The following TMEM266 variants were observed in gnomAD, a reference collection of about 807,000 sequenced individuals.
The protein encoded by TMEM266 is Hv1 related protein 1.
A neutral mutation model predicts 50.5 loss-of-function variants in TMEM266; 33 were observed. The observed-to-expected ratio is 0.65, with a 90% confidence interval of 0.50 to 0.87. The LOEUF (loss-of-function observed/expected upper bound fraction) is 0.87. TMEM266 is among the 40% of genes least tolerant of loss of function. TMEM266 has a pLI of 0.00. For synonymous variants in TMEM266, 310 were observed against 292.3 expected, an observed-to-expected ratio of 1.06 and a Z score of -0.62; for missense variants, 655 against 695.1, an observed-to-expected ratio of 0.94 and a Z score of 0.65.
intron 5 of TMEM266, among the ~76,000 whole-genome samples, chr15:76,166,596 C>G (rs1286953172): frequency 6.6e-6 from 1 of 152,240 alleles, no homozygotes; most frequent in African/African-American, 2.4e-5. Context: ...GGTGCGCTGT[C>G]TGCTGCCTCC....
At chr15:76,188,767 G>C (rs1002556169) in intron 8 of TMEM266, among the ~76,000 whole-genome samples, 1 of 152,142 alleles carries the variant, frequency 6.6e-6, no homozygotes, top group African/African-American at 2.4e-5. Flanking sequence ...ATGAGATTTG[G>C]GTGGGGACAC....
chr15:76,165,457 A>T (rs2038080474), intron 5 of TMEM266, among the ~76,000 whole-genome samples: 1 of 152,224 alleles, frequency 6.6e-6, no homozygotes, highest in South Asian at 2.1e-4. Flanking sequence ...TGCTTATCAG[A>T]GCAGCCTCCT....
At chr15:76,129,044 A>T (rs1055081652) in intron 1 of TMEM266, among the ~76,000 whole-genome samples, 2 of 150,588 alleles carry the variant, frequency 1.3e-5, no homozygotes, top group Admixed American at 1.3e-4. Context: ...TATATAAACC[A>T]TACCTTAGGC....
rs558703921 is a variant in TMEM266 at position 76,081,546 on chromosome 15, C to T, written c.-97+21530C>T. Among the ~76,000 whole-genome samples the T allele has an allele frequency of 1.6e-4, 25 of 152,352 alleles. No homozygotes were observed. The South Asian group carries it at 5.0e-3, about 30-fold the overall frequency. On this transcript the variant is annotated intron_variant, in intron 1 of 10. Transcript: ENST00000388942. ...ATAAGAAGGGAACCAAATGAATAGG[C>T]TTCCAAGTTGCCCTGGCTCCTCGCG...
rs1245617079 is a variant in TMEM266, at chr15:76,168,349, AAG to A, written c.457-1464_457-1463del. Among the ~76,000 whole-genome samples the A allele has an allele frequency of 6.6e-6, 1 of 152,246 alleles. No individual in the cohort carries two copies. Among genetic ancestry groups the A allele is most frequent in the Admixed American group, 6.5e-5 (1 of 15,280 alleles). The stretch of plus-strand genomic sequence containing the variant: ...GAAATCAAGATTGTCCTTCACGAGA[AAG>A]AGCTGGATTTTACCAGCCAAGCCTT... On this transcript the variant is annotated intron_variant, in intron 5 of 10. Transcript: ENST00000388942. The surrounding 1 kb of genome is among the most constrained non-coding windows in gnomAD (Gnocchi z 4.4).
At chr15:76,076,225 A>G (rs2036607063) in intron 1 of TMEM266, among the ~76,000 whole-genome samples, 1 of 151,958 alleles carries the variant, frequency 6.6e-6, no homozygotes, top group Non-Finnish European at 1.5e-5. Flanking sequence ...CTTGATAGCA[A>G]GTCACCTCTC....
intron 3 of TMEM266, among the ~76,000 whole-genome samples, chr15:76,147,369 C>G (rs1217671732): frequency 1.3e-5 from 2 of 152,234 alleles, no homozygotes; most frequent in African/African-American, 4.8e-5. Flanking sequence ...TGATCCCTGC[C>G]ATGGCCATGC....
intron 3 of TMEM266, among the ~76,000 whole-genome samples, chr15:76,145,412 C>T (rs565989973): frequency 6.6e-6 from 1 of 152,350 alleles, no homozygotes; most frequent in East Asian, 1.9e-4. Context: ...CCACATCCTT[C>T]CTCTTTCATG....
intron 1 of TMEM266, among the ~76,000 whole-genome samples, chr15:76,121,824 C>A (rs2037351449): frequency 6.6e-6 from 1 of 152,200 alleles, no homozygotes; most frequent in Admixed American, 6.5e-5. Context: ...TCACAAAACA[C>A]TCCTTGATAG....
chr15:76,186,825 G>A (rs540426441), intron 8 of TMEM266, among the ~76,000 whole-genome samples: 3 of 152,266 alleles, frequency 2.0e-5, no homozygotes, highest in Non-Finnish European at 2.9e-5. Flanking sequence ...CTTCTGTTTG[G>A]AGGATTCCAG....
chr15:76,075,025 A>G (rs1168783836), intron 1 of TMEM266, among the ~76,000 whole-genome samples: 2 of 152,106 alleles, frequency 1.3e-5, no homozygotes, highest in South Asian at 4.1e-4. Flanking sequence ...GAGGAGGAGC[A>G]GATTTTAAGT....
rs2038002755 is a variant in TMEM266 at position 76,160,562 on chromosome 15, T to C, written c.456+394T>C. 6.6e-6 allele frequency among the ~76,000 whole-genome samples: 1 copy of C among 152,178 alleles called. No individual in the cohort carries two copies. The highest frequency in any genetic ancestry group is 1.9e-4 in the East Asian group (1 of 5,192). ...CCACACAGGGAAGCTCTTGGGCCGC[T>C]GTGGCTGTGGTCTTGGGCCCACAGT... is the stretch of plus-strand genomic sequence containing the variant. On this transcript the variant is annotated intron_variant, in intron 5 of 10. Coordinates refer to ENST00000388942, the MANE Select transcript of TMEM266 (RefSeq NM_152335.3). This position sits in a 1 kb window ranked among gnomAD's most constrained non-coding sequence, Gnocchi z 5.7.
chr15:76,142,992 G>A (rs1052628704), intron 3 of TMEM266, among the ~76,000 whole-genome samples: 1 of 152,172 alleles, frequency 6.6e-6, no homozygotes, highest in South Asian at 2.1e-4. Flanking sequence ...GCTTGTGTCT[G>A]CCTCAAGTCT....
intron 1 of TMEM266, among the ~76,000 whole-genome samples, chr15:76,084,597 GGT>G (rs1491583604): frequency 7.5e-6 from 1 of 133,336 alleles, no homozygotes; most frequent in Non-Finnish European, 1.6e-5. Context: ...GGTTTTTTTT[GGT>G]TTTTTTTTTT....
chr15:76,169,639 G>A (rs1417317571), intron 5 of TMEM266, among the ~76,000 whole-genome samples, 177 bp from the exon 6 acceptor site: 1 of 152,230 alleles, frequency 6.6e-6, no homozygotes, highest in Non-Finnish European at 1.5e-5. Flanking sequence ...GAAGGCTGGA[G>A]CTGGGGCACT....
At chr15:76,119,214 T>A (rs2142017669) in intron 1 of TMEM266, among the ~76,000 whole-genome samples, 1 of 152,210 alleles carries the variant, frequency 6.6e-6, no homozygotes, top group Non-Finnish European at 1.5e-5. Context: ...CCTTTGCTAA[T>A]GATTTTTATC....
In TMEM266 at chr15:76,153,313, G is replaced by A. The variant is rs1192813408; in HGVS notation, c.228-3291G>A. On this transcript the variant is annotated intron_variant, in intron 3 of 10. Transcript: ENST00000388942. This position sits in a 1 kb window ranked among gnomAD's most constrained non-coding sequence, Gnocchi z 4.2. Reference sequence around the variant, plus strand: ...ACTCCCTTCAGGACCCTCCTCTGGGGTAGAAGGAGCAGTGTCTTAGGGATG... The same window carrying A: ...ACTCCCTTCAGGACCCTCCTCTGGGATAGAAGGAGCAGTGTCTTAGGGATG... 2.0e-5 allele frequency among the ~76,000 whole-genome samples: 3 copies of A among 152,150 alleles called. No individual in the cohort carries two copies. The highest frequency in any genetic ancestry group is 4.4e-5 in the Non-Finnish European group (3 of 68,022).
intron 1 of TMEM266, among the ~76,000 whole-genome samples, chr15:76,079,313 A>C (rs925484008): frequency 3.3e-5 from 5 of 149,468 alleles, no homozygotes; most frequent in African/African-American, 1.2e-4. Context: ...AAATCGTGGC[A>C]TTGCACTCCA....
chr15:76,111,414 C>T (rs961664064), intron 1 of TMEM266, among the ~76,000 whole-genome samples: 11 of 151,396 alleles, frequency 7.3e-5, no homozygotes, highest in African/African-American at 2.7e-4. Flanking sequence ...TGTTAGCCAA[C>T]CTTTGGCTAC....
Sources: gnomAD v4.1 joint callset for allele counts (sites outside exome capture counted in the v4.1 genomes callset) on GRCh38, gnomAD v4.1.1 for gene constraint, Gnocchi (gnomAD v3.1) non-coding constraint, MANE v1.5 for transcripts, NCBI Gene and HGNC (gene_info 2026-07-23, HGNC 2026-07-21) for gene names.